The following TTC14 variants were observed in gnomAD, a reference collection of about 807,000 sequenced individuals.
The protein encoded by TTC14 is tetratricopeptide repeat protein 14.
In TTC14, 63 loss-of-function variants were observed where a neutral mutation model predicts 79.9. The ratio of observed to expected loss-of-function variants is 0.79; its 90% confidence interval spans 0.64 to 0.97. The LOEUF (loss-of-function observed/expected upper bound fraction) is 0.97, where lower values mean the gene tolerates loss of function less well. TTC14 is among the 50% of genes least tolerant of loss of function. The probability of loss-of-function intolerance (pLI) is 0.00; values close to 1 mark genes in which losing one functional copy is unlikely to be tolerated. For missense variants in TTC14, 895 were observed against 894.0 expected (o/e 1.00, Z -0.01); for synonymous variants, 335 against 309.6 (o/e 1.08, Z -0.86).
chr3:180,608,798 AAGAAG>A lies in TTC14; in HGVS notation c.1396_1400del (p.Lys466AlafsTer18), dbSNP rs775703615. 6.5e-6 allele frequency: 10 copies of A among 1,538,178 alleles called. No individual in the cohort carries two copies. The highest frequency in any genetic ancestry group is 4.6e-5 in the East Asian group (2 of 43,064). Reference sequence around the variant, plus strand: ...GCAGAAAAGTTGCGTAAGCTCTTAAAAGAAGAGAAGAGGTAAACTATAATATTCAG... The same window carrying A: ...GCAGAAAAGTTGCGTAAGCTCTTAAAAGAAGAGGTAAACTATAATATTCAG... On this transcript the variant is annotated frameshift_variant, in exon 11 of 12. Coordinates refer to ENST00000296015, the MANE Select transcript of TTC14 (RefSeq NM_133462.4). LOFTEE classifies it high-confidence loss of function.
At chr3:180,612,644 GGAGGA>G (rs753716308), downstream of TTC14, among the ~76,000 whole-genome samples, 5 of 151,594 alleles carry the variant, frequency 3.3e-5, no homozygotes, top group Non-Finnish European at 5.9e-5. Flanking sequence ...CAGCTATGCG[GGAGGA>G]TCGCTTGAGC....
Position 180,608,667 on chromosome 3 carries a change from C to T in TTC14, c.1291-34C>T, listed in dbSNP as rs374297800. ...GTTTTATATATTCTGCTATTTTTAA[C>T]GTGTGGTTTTTTTCGATATCTGGGT... On this transcript the variant is annotated intron_variant, in intron 10 of 11. Transcript: ENST00000296015. 605 of 1,464,188 alleles carry T rather than the reference C, an allele frequency of 4.1e-4. 1 individual carries two copies. In the Middle Eastern group the frequency reaches 7.9e-3, roughly 19 times the overall value. 90.7% of individuals were successfully genotyped at this position (1,464,188 alleles called of 1,614,324 possible).
intron 3 of TTC14, chr3:180,603,597 GTTGA>G (rs1357065050): frequency 2.4e-6 from 1 of 412,800 alleles, no homozygotes; most frequent in Non-Finnish European, 4.4e-6. Context: ...ACGTGGTGAG[GTTGA>G]TTGATATTCA....
Position 180,609,932 on chromosome 3 carries a change from A to C in TTC14, c.1703A>C (p.Lys568Thr). ...AAGCAGGATAGGTTACAGTATGAAA[A>C]GACACAGATAAAAGAGAAAGATAGA... ...LGKQDRLQYEKTQIKEKDRCP... is the reference protein window; with the variant it reads ...LGKQDRLQYETTQIKEKDRCP... Residue 568 changes from lysine to threonine, a missense_variant, in exon 12 of 12, where the codon AAG (lysine) becomes ACG (threonine). Lys to Thr is a moderately conservative substitution (Grantham distance 78, BLOSUM62 -1). Transcript: ENST00000296015. 1 of 1,614,102 alleles carries C rather than the reference A, an allele frequency of 6.2e-7. No individual in the cohort carries two copies. Among genetic ancestry groups the C allele is most frequent in the Non-Finnish European group, 8.5e-7 (1 of 1,179,956 alleles).
intron 3 of TTC14, 169 bp downstream of exon 3, chr3:180,603,492 T>G: frequency 1.6e-6 from 1 of 632,262 alleles, no homozygotes; most frequent in Non-Finnish European, 2.7e-6. Flanking sequence ...AGTTACCCAG[T>G]TTCTCCCTCC....
At chr3:180,609,128 G>C (rs760219958) in intron 11 of TTC14, 1 of 768,262 alleles carries the variant, frequency 1.3e-6, no homozygotes, top group Non-Finnish European at 1.6e-6. Context: ...TTCACCCGGG[G>C]ACATTTGACA....
chr3:180,605,904 C>T, intron 7 of TTC14, 67 bp downstream of exon 7: 2 of 1,460,804 alleles, frequency 1.4e-6, no homozygotes, highest in Non-Finnish European at 1.9e-6. Flanking sequence ...GGCAAGCATG[C>T]TTATATCATC....
Position 180,604,489 on chromosome 3 carries a change from G to T in TTC14, c.583G>T (p.Asp195Tyr). 1 of 1,595,026 alleles carries T rather than the reference G, an allele frequency of 6.3e-7. No individual in the cohort carries two copies. The highest frequency in any genetic ancestry group is 1.2e-5 in the South Asian group (1 of 86,266). Residue 195 changes from aspartate to tyrosine, a missense_variant, in exon 5 of 12, where the codon GAT becomes TAT. By Grantham distance (160) the Asp-to-Tyr change is radical. Transcript: ENST00000296015. ...TGDIIRAGIK[D>Y]IDRYHEKLAV... ...TTTTTTTTCTTAAGCTGGAATCAAG[G>T]ATATTGACAGATACCATGAAAAGCT...
At chr3:180,604,156 A>T in intron 3 of TTC14, 69 bp from the exon 4 acceptor site, 1 of 1,351,768 alleles carries the variant, frequency 7.4e-7, no homozygotes, top group South Asian at 1.2e-5. Context: ...CAAACAACTA[A>T]GATAAAAGAA....
rs1225408782 is a variant in TTC14 at position 180,609,747 on chromosome 3, G to A, written c.1518G>A (p.Lys506=). The A allele has an allele frequency of 1.2e-6, 2 of 1,613,848 alleles. No homozygotes were observed. The highest frequency in any genetic ancestry group is 2.2e-5 in the East Asian group (1 of 44,842). Residue 506 remains lysine, a synonymous_variant, in exon 12 of 12, where the codon AAG becomes AAA. Transcript: ENST00000296015. The part of the protein sequence containing the change: ...SSGHKRHKKH[K]RNRSESSRSS... ...GTCACAAAAGGCATAAGAAACATAA[G>A]AGGAACCGTTCAGAGTCTTCTCGCA...
intron 1 of TTC14, 168 bp downstream of exon 1, chr3:180,602,590 T>G: frequency 1.1e-6 from 1 of 933,470 alleles, no homozygotes; most frequent in East Asian, 2.7e-5. Context: ...TCCTGGGTTG[T>G]GCAATGCGGG....
rs374546226 is a variant in TTC14, at chr3:180,606,486, C to T, written c.1055C>T (p.Ala352Val). 17 of 1,613,480 alleles carry T rather than the reference C, an allele frequency of 1.1e-5. No individual in the cohort carries two copies. The highest frequency in any genetic ancestry group is 8.9e-5 in the East Asian group (4 of 44,856). The change falls in exon 9 of 12, where the codon GCG (alanine) becomes GTG (valine). Residue 352 changes from alanine (A) to valine (V), a missense_variant. Ala to Val is a moderately conservative substitution (Grantham distance 64). Coordinates refer to ENST00000296015, the MANE Select transcript of TTC14 (RefSeq NM_133462.4). ...TCTTTGTTTCATGTCTCTAGATATGCGACAAAAGGAAGTTTGAACAAAGCA... is the reference window on the plus strand; with the variant it reads ...TCTTTGTTTCATGTCTCTAGATATGTGACAAAAGGAAGTTTGAACAAAGCA... The part of the protein sequence containing the change: ...EALVARGALY[A>V]TKGSLNKAIE...
chr3:180,604,233 T>A lies in TTC14; in HGVS notation c.495T>A (p.Cys165Ter). 1 of 1,612,842 alleles carries A rather than the reference T, an allele frequency of 6.2e-7. No individual in the cohort carries two copies. Among genetic ancestry groups the A allele is most frequent in the Non-Finnish European group, 8.5e-7 (1 of 1,179,244 alleles). The change falls in exon 4 of 12, where the codon TGT becomes TGA. Residue 165 changes from cysteine (C) to a stop codon, truncating the protein, a stop_gained. Transcript: ENST00000296015. LOFTEE classifies it high-confidence loss of function. ...DIAHLEITALCPLRDVPSHSN... is the reference protein window; with the variant it reads ...DIAHLEITAL ...AATACTTCTCATTACAGGCTCTTTGTCCCTTAAGAGATGTGCCTTCTCACA... is the reference window on the plus strand; with the variant it reads ...AATACTTCTCATTACAGGCTCTTTGACCCTTAAGAGATGTGCCTTCTCACA...
rs769595329 is a variant in TTC14 at position 180,605,783 on chromosome 3, A to T, written c.875A>T (p.Asp292Val). The T allele has an allele frequency of 6.4e-7, 1 of 1,566,762 alleles. No individual in the cohort carries two copies. The highest frequency in any genetic ancestry group is 2.3e-5 in the East Asian group (1 of 42,652). ...TTTAATAGCAAAAATTTCTCTGAAG[A>T]TGATTTTGCTTCTGCATTGAGAAAA... ...RGLQSKNFSE[D>V]DFASALRKKQ... The change falls in exon 7 of 12, where the codon GAT becomes GTT. Residue 292 changes from aspartate to valine, a missense_variant. Coordinates refer to ENST00000296015, the MANE Select transcript of TTC14 (RefSeq NM_133462.4).
chr3:180,602,728 G>A lies in TTC14; in HGVS notation c.162-163G>A. ...AAGTTTCCCCGCTCTCCACCTCCAG[G>A]TTGGTTAATGAGGGAATGCCTAGTT... On this transcript the variant is annotated intron_variant, in intron 1 of 11. Coordinates refer to ENST00000296015, the MANE Select transcript of TTC14 (RefSeq NM_133462.4). 3 of 839,940 alleles carry A rather than the reference G, an allele frequency of 3.6e-6. No individual in the cohort carries two copies. The South Asian group carries it at 5.9e-5, about 16-fold the overall frequency. 52.0% of individuals were successfully genotyped at this position (839,940 alleles called of 1,614,324 possible).
At chr3:180,605,141 A>G (rs1030045554) in intron 6 of TTC14, 134 bp downstream of exon 6, 22 of 750,032 alleles carry the variant, frequency 2.9e-5, no homozygotes, top group Non-Finnish European at 4.6e-5. Context: ...TGAATGAACC[A>G]GGTGATCCCA....
rs1716951415 is a variant in TTC14 at position 180,610,596 on chromosome 3, G to GT, written c.*56dup. The GT allele has an allele frequency of 6.6e-7, 1 of 1,517,354 alleles. No homozygotes were observed. The highest frequency in any genetic ancestry group is 2.3e-5 in the East Asian group (1 of 44,174). The allele number at this position is 1,517,354 out of a possible 1,614,324, so 94.0% of individuals were successfully genotyped here. A position where few individuals can be genotyped will look rare whatever the true frequency, so the allele number is the denominator to read the frequency against. On this transcript the variant is annotated 3_prime_UTR_variant, in exon 12 of 12. Transcript: ENST00000296015. Reference sequence around the variant, plus strand: ...AAAATGCCATTAAGTGAAGTTTTTGGTTGTATTAGTCATAACAGTTGAGTG... The same window carrying GT: ...AAAATGCCATTAAGTGAAGTTTTTGGTTTGTATTAGTCATAACAGTTGAGTG...
At chr3:180,612,236 A>G (rs545958232), downstream of TTC14, among the ~76,000 whole-genome samples, 9 of 152,332 alleles carry the variant, frequency 5.9e-5, no homozygotes, top group East Asian at 1.7e-3. Context: ...TTCAGCTTAA[A>G]ATTTTAAACA....
At chr3:180,614,952 C>CT (rs1560078343), downstream of TTC14, 1 of 1,565,490 alleles carries the variant, frequency 6.4e-7, no homozygotes, top group Admixed American at 1.9e-5. Context: ...CTTAACATTA[C>CT]TAGAGCTACT....
Sources: allele counts gnomAD v4.1 joint callset (sites outside exome capture counted in the v4.1 genomes callset), GRCh38; gene constraint gnomAD v4.1.1; transcripts MANE v1.5; gene names NCBI Gene and HGNC (gene_info 2026-07-23, HGNC 2026-07-21).